PIK3C2G: variants seen among roughly 807,000 people sequenced by gnomAD.
PIK3C2G encodes phosphatidylinositol-4-phosphate 3-kinase catalytic subunit type 2 gamma.
PIK3C2G carries 168 observed loss-of-function variants against 181.1 expected under a neutral mutation model. That is an observed-to-expected ratio of 0.93 (90% confidence interval 0.82 to 1.05). PIK3C2G has a LOEUF of 1.05. PIK3C2G is among the 50% of genes least tolerant of loss of function. PIK3C2G has a pLI of 0.00. For synonymous variants in PIK3C2G, 573 were observed against 592.2 expected (o/e 0.97, Z 0.47); for missense variants, 1,869 against 1,732.8 (o/e 1.08, Z -1.40).
chr12:18,256,986 C>T (rs527479960), upstream of PIK3C2G, among the ~76,000 whole-genome samples: 7 of 152,140 alleles, frequency 4.6e-5, no homozygotes, highest in Non-Finnish European at 1.0e-4. Context: ...ACAACTCTTC[C>T]GTTCTCAATA....
intron 30 of PIK3C2G, chr12:18,607,269 C>T (rs1243739726): frequency 1.1e-5 from 5 of 457,676 alleles, no homozygotes; most frequent in Non-Finnish European, 2.2e-5. Context: ...ATAGTAGAGC[C>T]TGTTTGTAGA....
At chr12:18,547,497 A>T (rs1054963575) in intron 26 of PIK3C2G, among the ~76,000 whole-genome samples, 2 of 152,046 alleles carry the variant, frequency 1.3e-5, no homozygotes, top group African/African-American at 4.8e-5. Context: ...CATTCAAGTG[A>T]GAAAACTGAG....
At chr12:18,485,319 T>C (rs1939923396) in intron 18 of PIK3C2G, among the ~76,000 whole-genome samples, 2 of 152,146 alleles carry the variant, frequency 1.3e-5, no homozygotes, top group South Asian at 2.1e-4. Flanking sequence ...TGAAGAAATG[T>C]AGAAAAGTTC....
intron 9 of PIK3C2G, among the ~76,000 whole-genome samples, chr12:18,340,231 G>T (rs1938998458): frequency 6.6e-6 from 1 of 151,978 alleles, no homozygotes; most frequent in African/African-American, 2.4e-5. Flanking sequence ...CATGTTGGAA[G>T]AATTGTCTTG....
At chr12:18,694,098 A>G in the PIK3C2G span, 1 of 1,077,676 alleles carries the variant, frequency 9.3e-7, no homozygotes, top group East Asian at 2.4e-5. Flanking sequence ...CTGTATCTCT[A>G]GTGAACTACG....
chr12:18,566,006 A>T (rs1352108134), intron 28 of PIK3C2G, among the ~76,000 whole-genome samples: 1 of 152,090 alleles, frequency 6.6e-6, no homozygotes, highest in Non-Finnish European at 1.5e-5. Context: ...ACTGGTACTA[A>T]TTTTCATGAT....
intron 14 of PIK3C2G, among the ~76,000 whole-genome samples, chr12:18,384,187 A>AAAAC (rs1446653108): frequency 3.9e-5 from 6 of 152,124 alleles, no homozygotes; most frequent in African/African-American, 1.4e-4. Flanking sequence ...AAACTAAGAA[A>AAAAC]AAACAATTAA....
intron 30 of PIK3C2G, among the ~76,000 whole-genome samples, chr12:18,602,821 G>C (rs115837738): frequency 0.023 from 3,553 of 152,214 alleles, 149 homozygotes; most frequent in African/African-American, 0.081. Context: ...ACAGTAAAAG[G>C]GGGAGAGTAC....
intron 1 of PIK3C2G, among the ~76,000 whole-genome samples, chr12:18,248,343 C>T (rs905190149): frequency 1.3e-5 from 2 of 152,012 alleles, no homozygotes; most frequent in African/African-American, 4.8e-5. Flanking sequence ...GAGGCCGAGG[C>T]GGGCAGATCA....
At chr12:18,584,556 A>G (rs1946676403) in intron 29 of PIK3C2G, among the ~76,000 whole-genome samples, 1 of 152,162 alleles carries the variant, frequency 6.6e-6, no homozygotes, top group Non-Finnish European at 1.5e-5. Context: ...AAAGAAGCCA[A>G]ATCTATGAAT....
At chr12:18,655,658 T>C in the PIK3C2G span, among the ~76,000 whole-genome samples, 4 of 152,094 alleles carry the variant, frequency 2.6e-5, no homozygotes, top group Non-Finnish European at 5.9e-5. Context: ...GGAAGTCGTG[T>C]TGGCAGTATG....
chr12:18,327,544 C>T (rs981788415), intron 8 of PIK3C2G, among the ~76,000 whole-genome samples: 1 of 151,872 alleles, frequency 6.6e-6, no homozygotes, highest in Non-Finnish European at 1.5e-5. Flanking sequence ...AATTTTAGGC[C>T]AGGCATTCTG....
At chr12:18,683,554 G>A in the PIK3C2G span, 36 of 1,486,188 alleles carry the variant, frequency 2.4e-5, no homozygotes, top group East Asian at 1.4e-4. Context: ...TTCTCCTTCC[G>A]CAAAGCGCTG....
chr12:18,259,588 G>C (rs1429149646), upstream of PIK3C2G, among the ~76,000 whole-genome samples: 1 of 151,954 alleles, frequency 6.6e-6, no homozygotes, highest in Non-Finnish European at 1.5e-5. Context: ...AAAATAGAAG[G>C]TTATATATAA....
rs552472999 is a variant in PIK3C2G, at chr12:18,437,028, G to C, written c.2504+12989G>C. Among the ~76,000 whole-genome samples the C allele has an allele frequency of 1.5e-3, 231 of 151,930 alleles. 1 individual carries two copies. The highest frequency in any genetic ancestry group is 5.4e-3 in the African/African-American group (222 of 41,494). On this transcript the variant is annotated intron_variant, in intron 18 of 32. Transcript: ENST00000538779. ...CATTGAGATTCTCTATGAGCATTGG[G>C]GAATTACTAAACAGTTTCTGATTTT...
intron 18 of PIK3C2G, among the ~76,000 whole-genome samples, chr12:18,475,696 TAA>T (rs1374053668): frequency 1.2e-4 from 18 of 152,182 alleles, no homozygotes; most frequent in Middle Eastern, 3.4e-3. Context: ...AAATATAAAT[TAA>T]GTTTAATCAG....
At chr12:18,376,582 G>A (rs894830406) in intron 13 of PIK3C2G, among the ~76,000 whole-genome samples, 1 of 152,170 alleles carries the variant, frequency 6.6e-6, no homozygotes, top group African/African-American at 2.4e-5. Flanking sequence ...ATTGTATTTT[G>A]CAGTGTGAGA....
At chr12:18,328,520 A>G (rs1466417311) in intron 8 of PIK3C2G, among the ~76,000 whole-genome samples, 1 of 151,984 alleles carries the variant, frequency 6.6e-6, no homozygotes, top group African/African-American at 2.4e-5. Context: ...TTCAAACATA[A>G]CTTAAGCCTA....
chr12:18,595,622 C>A lies in PIK3C2G; in HGVS notation c.4087+1053C>A, dbSNP rs1335961900. ...TTTTTTCAAATGCCAATTCAATCAT[C>A]TCTCTTCTCTAGTTAAACCTTCTCT... is the stretch of plus-strand genomic sequence containing the variant. On this transcript the variant is annotated intron_variant, in intron 30 of 32. Transcript: ENST00000538779. Among the ~76,000 whole-genome samples, 3 of 152,222 alleles carry A rather than the reference C, an allele frequency of 2.0e-5. No individual in the cohort carries two copies. In the East Asian group the frequency reaches 5.8e-4, roughly 29 times the overall value.
Sources: gnomAD v4.1 joint callset for allele counts (sites outside exome capture counted in the v4.1 genomes callset) on GRCh38, gnomAD v4.1.1 for gene constraint, MANE v1.5 for transcripts, NCBI Gene and HGNC (gene_info 2026-07-23, HGNC 2026-07-21) for gene names.